The following PABPC4 variants were observed in gnomAD, a reference collection of about 807,000 sequenced individuals.
The protein encoded by PABPC4 is polyadenylate-binding protein 4.
PABPC4 carries 15 observed loss-of-function variants against 74.5 expected under a neutral mutation model. The observed-to-expected ratio is 0.20, with a 90% CI of 0.13 to 0.31. The LOEUF (loss-of-function observed/expected upper bound fraction) is 0.31, where lower values mean the gene tolerates loss of function less well. PABPC4 is among the 10% of genes least tolerant of loss of function. PABPC4 has a pLI of 1.00. For missense variants in PABPC4, 610 were observed against 853.5 expected (o/e 0.71, Z 3.55); for synonymous variants, 345 against 303.0 (o/e 1.14, Z -1.44).
In PABPC4 at chr1:39,569,885, C is replaced by T. The variant is rs1316072413; in HGVS notation, c.621G>A (p.Leu207=). The T allele has an allele frequency of 8.1e-6, 13 of 1,614,102 alleles. No homozygotes were observed. The highest frequency in any genetic ancestry group is 9.3e-6 in the Non-Finnish European group (11 of 1,180,034). ...NFGEEVDDES[L]KELFSQFGKT... Reference sequence around the variant, plus strand: ...TACCAAACTGACTGAATAGCTCTTTCAGACTCTCATCATCCACCTCTTCCC... The same window carrying T: ...TACCAAACTGACTGAATAGCTCTTTTAGACTCTCATCATCCACCTCTTCCC... The change falls in exon 4 of 16, where the codon CTG becomes CTA. Residue 207 remains leucine (L), a synonymous_variant. Transcript: ENST00000372858.
intron 8 of PABPC4, 100 bp downstream of exon 8, chr1:39,565,006 C>T (rs1447365296): frequency 2.3e-6 from 3 of 1,292,228 alleles, no homozygotes; most frequent in Admixed American, 3.8e-5. Flanking sequence ...CTTATTGTGA[C>T]ATTCTAGAAC....
chr1:39,566,981 A>G (rs1238641529), intron 7 of PABPC4, among the ~76,000 whole-genome samples: 1 of 148,680 alleles, frequency 6.7e-6, no homozygotes, highest in African/African-American at 2.4e-5. Context: ...AGCCCTTACC[A>G]GCCCACGTGG....
intron 12 of PABPC4, 23 bp downstream of exon 12, chr1:39,563,591 G>A (rs1645793565): frequency 6.2e-7 from 1 of 1,603,102 alleles, no homozygotes; most frequent in Non-Finnish European, 8.5e-7. Flanking sequence ...ATCCTTTTAA[G>A]CATTCTGTCT....
In PABPC4 at chr1:39,572,454, G is replaced by C; in HGVS notation, c.326C>G (p.Ser109Cys). The C allele has an allele frequency of 6.2e-7, 1 of 1,614,056 alleles. No individual in the cohort carries two copies. Among genetic ancestry groups the C allele is most frequent in the African/African-American group, 1.3e-5 (1 of 75,042 alleles). The change falls in exon 2 of 16, where the codon TCT (serine) becomes TGT (cysteine). Residue 109 changes from serine (S) to cysteine (C), a missense_variant. Ser to Cys is a moderately radical substitution (Grantham distance 112). Coordinates refer to ENST00000372858, the MANE Select transcript of PABPC4 (RefSeq NM_001135653.2). Reference protein sequence around the residue: ...GNVFIKNLDKSIDNKALYDTF... With the variant: ...GNVFIKNLDKCIDNKALYDTF... ...ATCATAAAGTGCCTTGTTATCTATA[G>C]ATTTGTCCAGGTTCTTGATGAAGAC...
At chr1:39,568,606 C>A in intron 6 of PABPC4, 196 bp downstream of exon 6, 4 of 485,578 alleles carry the variant, frequency 8.2e-6, no homozygotes, top group Non-Finnish European at 1.4e-5. Flanking sequence ...GATGAATAAA[C>A]CCATCTCTTG....
At chr1:39,575,688 G>A (rs1001797644) in intron 1 of PABPC4, 71 bp downstream of exon 1, 4 of 1,289,712 alleles carry the variant, frequency 3.1e-6, no homozygotes, top group African/African-American at 1.5e-5. Context: ...CTCGGCAGGA[G>A]GGCCCTGCCA....
chr1:39,569,998 C>A lies in PABPC4; in HGVS notation c.508G>T (p.Val170Leu). ...TCTTTGCGAGACTTGAATCTGCCCA[C>A]AAATCTAAAATGAAACCATGAAGAA... ...GMLLNDRKVF[V>L]GRFKSRKERE... Residue 170 changes from valine (V) to leucine (L), a missense_variant, in exon 4 of 16, where the codon GTG becomes TTG. Val to Leu is a conservative substitution (Grantham distance 32). Around this residue, in one of 4 missense-constraint regions of PABPC4, gnomAD observed 304 missense variants for 478.9 expected, o/e 0.63. Transcript: ENST00000372858. 2 of 1,613,602 alleles carry A rather than the reference C, an allele frequency of 1.2e-6. No homozygotes were observed. The highest frequency in any genetic ancestry group is 8.5e-7 in the Non-Finnish European group (1 of 1,179,878).
At chr1:39,569,519 T>C (rs994734040) in intron 5 of PABPC4, 76 bp downstream of exon 5, 1 of 970,236 alleles carries the variant, frequency 1.0e-6, no homozygotes, top group East Asian at 2.4e-5. Context: ...CAGCTCTAGG[T>C]AGGTGCTAGC....
intron 6 of PABPC4, 150 bp from the exon 7 acceptor site, chr1:39,567,996 G>A (rs564204441): frequency 1.1e-5 from 6 of 554,708 alleles, no homozygotes; most frequent in South Asian, 6.2e-5. Context: ...GGTGGCTCAC[G>A]CCTGTAATCC....
intron 9 of PABPC4, 70 bp from the exon 10 acceptor site, chr1:39,564,612 G>A: frequency 6.2e-7 from 1 of 1,610,206 alleles, no homozygotes; most frequent in Non-Finnish European, 8.5e-7. Flanking sequence ...GCCTCAGAGT[G>A]GGGAAGAAGG....
At chr1:39,563,395 C>T in intron 12 of PABPC4, 1 of 552,824 alleles carries the variant, frequency 1.8e-6, no homozygotes, top group Non-Finnish European at 3.1e-6. Flanking sequence ...GCTGCCCGCT[C>T]TGAGGCATTT....
intron 15 of PABPC4, 90 bp from the exon 16 acceptor site, chr1:39,561,212 G>C (rs899339478): frequency 6.6e-6 from 3 of 455,376 alleles, no homozygotes; most frequent in South Asian, 1.6e-5. Flanking sequence ...TATTCTAGAA[G>C]AGAGTTTCTC....
chr1:39,568,553 G>T, intron 6 of PABPC4: 1 of 411,860 alleles, frequency 2.4e-6, no homozygotes, highest in Non-Finnish European at 4.2e-6. Flanking sequence ...AACCTACATG[G>T]CTAAAAGCAA....
intron 15 of PABPC4, chr1:39,561,457 T>C: frequency 3.8e-6 from 2 of 524,362 alleles, no homozygotes; most frequent in South Asian, 4.3e-5. Flanking sequence ...TGGAGACACC[T>C]ACAACCATCA....
intron 7 of PABPC4, among the ~76,000 whole-genome samples, chr1:39,565,638 A>AC (rs1439426664): frequency 2.6e-5 from 4 of 151,920 alleles, no homozygotes; most frequent in Admixed American, 2.6e-4. Context: ...GACCATCCTG[A>AC]CCAACATGGT....
intron 3 of PABPC4, chr1:39,571,010 G>C: frequency 7.2e-7 from 1 of 1,384,884 alleles, no homozygotes; most frequent in East Asian, 2.6e-5. Context: ...GCCTTTAAGG[G>C]AGAGGCGGCA....
In PABPC4 at chr1:39,568,814, A is replaced by G. The variant is rs1387252804; in HGVS notation, c.864T>C (p.Ile288=). ...AAGACCACCTTACCTGATATCGACT[A>G]ATTCTCTCCTGTTTCAACTGTTCAA... The part of the protein sequence containing the change: ...RKFEQLKQER[I]SRYQGVNLYI... The change falls in exon 6 of 16, where the codon ATT becomes ATC. Residue 288 remains isoleucine, a synonymous_variant. Transcript: ENST00000372858. 6.2e-7 allele frequency: 1 copy of G among 1,613,520 alleles called. No individual in the cohort carries two copies. Among genetic ancestry groups the G allele is most frequent in the African/African-American group, 1.3e-5 (1 of 75,004 alleles).
Position 39,565,169 on chromosome 1 carries a change from G to C in PABPC4, c.1182C>G (p.Ala394=). 1 of 1,614,146 alleles carries C rather than the reference G, an allele frequency of 6.2e-7. No homozygotes were observed. Among genetic ancestry groups the C allele is most frequent in the Non-Finnish European group, 8.5e-7 (1 of 1,180,022 alleles). The stretch of plus-strand genomic sequence containing the variant: ...GCTGGAACTGATTTAAGATGGCATT[G>C]GCAGGAAGTGCTCTCATTCCAGCCA... ...QRVAGMRALP[A]NAILNQFQPA... Residue 394 remains alanine, a synonymous_variant, in exon 8 of 16, where the codon GCC becomes GCG. Transcript: ENST00000372858.
intron 12 of PABPC4, 78 bp from the exon 13 acceptor site, chr1:39,562,494 C>G: frequency 1.0e-6 from 1 of 983,172 alleles, no homozygotes; most frequent in Non-Finnish European, 1.6e-6. Flanking sequence ...TGTTCAATAT[C>G]TGAACATCTG....
Sources: gnomAD v4.1 joint callset for allele counts (sites outside exome capture counted in the v4.1 genomes callset) on GRCh38, gnomAD v4.1.1 for gene constraint, gnomAD v4.1.1 regional missense constraint, MANE v1.5 for transcripts, NCBI Gene and HGNC (gene_info 2026-07-23, HGNC 2026-07-21) for gene names.